Variants in NCKAP5 observed in about 807,000 individuals in gnomAD.
NCKAP5 encodes the protein NCK associated protein 5.
A neutral mutation model predicts 167.0 loss-of-function variants in NCKAP5; 92 were observed. The observed-to-expected ratio is 0.55, with a 90% CI of 0.47 to 0.66. The LOEUF is 0.66. NCKAP5 is among the 30% of genes least tolerant of loss of function. NCKAP5 has a pLI of 0.00. For missense variants in NCKAP5, 2,378 were observed against 2,315.0 expected (o/e 1.03, Z -0.56); for synonymous variants, 891 against 877.4 (o/e 1.02, Z -0.27).
At chr2:133,508,849 T>C (rs1169692840) in intron 3 of NCKAP5, among the ~76,000 whole-genome samples, 1 of 152,154 alleles carries the variant, frequency 6.6e-6, no homozygotes, top group Admixed American at 6.5e-5. Flanking sequence ...CAAGCAAACA[T>C]CTCTACTCAT....
chr2:133,353,857 G>T (rs1026000785), intron 3 of NCKAP5, among the ~76,000 whole-genome samples: 1 of 152,152 alleles, frequency 6.6e-6, no homozygotes, highest in African/African-American at 2.4e-5. Context: ...CCCACTAAGA[G>T]CTACCTCCAC....
intron 15 of NCKAP5, among the ~76,000 whole-genome samples, chr2:132,779,289 TG>T (rs1252933653): frequency 3.9e-5 from 6 of 152,190 alleles, no homozygotes; most frequent in African/African-American, 9.7e-5. Flanking sequence ...AAAGTCTTTT[TG>T]TTTTTTTGGT....
chr2:133,590,247 T>C, the NCKAP5 span, among the ~76,000 whole-genome samples: 3 of 151,826 alleles, frequency 2.0e-5, no homozygotes, highest in Admixed American at 6.6e-5. Flanking sequence ...TTCCAGCACT[T>C]TGGGAGGCCG....
chr2:133,322,531 C>T (rs1682132121), intron 3 of NCKAP5, among the ~76,000 whole-genome samples: 1 of 152,188 alleles, frequency 6.6e-6, no homozygotes, highest in African/African-American at 2.4e-5. Flanking sequence ...GATGAGAAAC[C>T]TGGGCTCATA....
intron 5 of NCKAP5, among the ~76,000 whole-genome samples, chr2:133,170,938 C>T (rs867948244): frequency 1.5e-4 from 23 of 152,116 alleles, no homozygotes; most frequent in African/African-American, 4.8e-4. Flanking sequence ...ACTCAGGTGA[C>T]AAGCTTGCTA....
chr2:133,316,436 C>G (rs1681614620), intron 3 of NCKAP5, among the ~76,000 whole-genome samples: 1 of 152,148 alleles, frequency 6.6e-6, no homozygotes, highest in African/African-American at 2.4e-5. Context: ...AGAGGACCGT[C>G]AAACTATTTA....
At chr2:133,361,026 A>G (rs1328526217) in intron 3 of NCKAP5, among the ~76,000 whole-genome samples, 1 of 150,352 alleles carries the variant, frequency 6.7e-6, no homozygotes, top group African/African-American at 2.5e-5. Flanking sequence ...GGAGACAAGG[A>G]CCTATGCTGG....
chr2:132,686,667 C>T (rs563598492), intron 19 of NCKAP5, among the ~76,000 whole-genome samples: 2 of 152,336 alleles, frequency 1.3e-5, no homozygotes, highest in South Asian at 4.1e-4. Flanking sequence ...TTTCACCTCT[C>T]TAATGCCCTT....
At chr2:133,482,833 T>A (rs1381182742) in intron 3 of NCKAP5, among the ~76,000 whole-genome samples, 1 of 152,162 alleles carries the variant, frequency 6.6e-6, no homozygotes, top group Non-Finnish European at 1.5e-5. Context: ...TAATAACTTC[T>A]CTATTACTCT....
Position 133,533,740 on chromosome 2 carries a change from C to T in NCKAP5, c.-61-16153G>A, listed in dbSNP as rs138424528. Among the ~76,000 whole-genome samples the T allele has an allele frequency of 1.9e-3, 291 of 152,072 alleles. No homozygotes were observed. The East Asian group carries it at 0.024, about 13-fold the overall frequency. On this transcript the variant is annotated intron_variant, in intron 2 of 19. Coordinates refer to ENST00000409261, the MANE Select transcript of NCKAP5 (RefSeq NM_207363.3). ...AAAGCACAAAGGTTTTTTCTTCTTA[C>T]ATTAAAATTAAAATTAAAATATTAC...
chr2:133,064,406 A>C (rs2080117859), intron 6 of NCKAP5, among the ~76,000 whole-genome samples: 1 of 152,234 alleles, frequency 6.6e-6, no homozygotes, highest in South Asian at 2.1e-4. Context: ...ACAATACAAA[A>C]ATCACATACG....
At chr2:133,050,948 A>G (rs571833615) in intron 6 of NCKAP5, among the ~76,000 whole-genome samples, 48 of 152,356 alleles carry the variant, frequency 3.2e-4, no homozygotes, top group African/African-American at 1.1e-3. Context: ...CGCATGTGTG[A>G]AATTCTTTGA....
chr2:133,174,089 C>A (rs1046041067), intron 5 of NCKAP5, among the ~76,000 whole-genome samples: 5 of 152,188 alleles, frequency 3.3e-5, no homozygotes, highest in African/African-American at 7.2e-5. Context: ...TCTGTTCCAG[C>A]ATCCTATCCA....
chr2:133,621,593 C>CAGACCA, the NCKAP5 span, among the ~76,000 whole-genome samples: 2 of 151,922 alleles, frequency 1.3e-5, no homozygotes, highest in Non-Finnish European at 2.9e-5. Flanking sequence ...AATCTCTGAA[C>CAGACCA]AGACCAAGAC....
At chr2:133,370,678 C>T (rs1574819579) in intron 3 of NCKAP5, among the ~76,000 whole-genome samples, 1 of 147,598 alleles carries the variant, frequency 6.8e-6, no homozygotes, top group Middle Eastern at 3.2e-3. Flanking sequence ...TTAATGAAGT[C>T]AATTTAAAAA....
chr2:133,308,953 A>G (rs1041743937), intron 3 of NCKAP5, among the ~76,000 whole-genome samples: 9 of 142,168 alleles, frequency 6.3e-5, no homozygotes, highest in African/African-American at 7.8e-5. Context: ...CTCATGATCC[A>G]CCCGCCTCGG....
Position 133,303,038 on chromosome 2 carries a change from T to A in NCKAP5, c.142A>T (p.Arg48Trp), listed in dbSNP as rs1298353910. Residue 48 changes from arginine (R) to tryptophan (W), a missense_variant and splice_region_variant, in exon 4 of 20, where the codon AGG (arginine) becomes TGG (tryptophan). By Grantham distance (101) the Arg-to-Trp change is moderately radical (BLOSUM62 -3). This residue lies in a region of NCKAP5 where 1,049 missense variants were observed against 1,023.4 expected (regional missense o/e 1.02). Coordinates refer to ENST00000409261, the MANE Select transcript of NCKAP5 (RefSeq NM_207363.3). ...AATAAGAACATGAATTGAACTCACC[T>A]CCAGAGACTCCTGTGTTGCTCCTCA... ...QLEEQHRSLW[R>W]EKLAVARLQR... is the part of the protein sequence containing the mutation. 1 of 1,597,974 alleles carries A rather than the reference T, an allele frequency of 6.3e-7. No homozygotes were observed. The highest frequency in any genetic ancestry group is 8.5e-7 in the Non-Finnish European group (1 of 1,171,190).
intron 3 of NCKAP5, among the ~76,000 whole-genome samples, chr2:133,362,241 G>A (rs536777863): frequency 2.1e-4 from 32 of 152,310 alleles, no homozygotes; most frequent in Non-Finnish European, 4.1e-4. Context: ...AACGATCACC[G>A]TGTTGAAAAG....
At chr2:133,132,654 T>C (rs1390925122) in intron 5 of NCKAP5, among the ~76,000 whole-genome samples, 1 of 151,040 alleles carries the variant, frequency 6.6e-6, no homozygotes, top group Non-Finnish European at 1.5e-5. Flanking sequence ...ACCTACTAAA[T>C]ATGAAAAATA....
Sources: gnomAD v4.1 joint callset for allele counts (sites outside exome capture counted in the v4.1 genomes callset) on GRCh38, gnomAD v4.1.1 for gene constraint, gnomAD v4.1.1 regional missense constraint, MANE v1.5 for transcripts, NCBI Gene and HGNC (gene_info 2026-07-23, HGNC 2026-07-21) for gene names.